PSEN1: variants seen among roughly 807,000 people sequenced by gnomAD.
PSEN1 encodes presenilin-1.
Under a neutral mutation model 53.5 loss-of-function variants are expected in PSEN1, and 15 were observed. That is an observed-to-expected ratio of 0.28 (90% CI 0.19 to 0.43). The LOEUF (loss-of-function observed/expected upper bound fraction) is 0.43. Ranked by LOEUF, PSEN1 falls within the 20% of genes least tolerant of loss-of-function variation. The pLI, the probability that PSEN1 is intolerant of heterozygous loss-of-function variation, is 1.00. For synonymous variants in PSEN1, 208 were observed against 209.8 expected, an observed-to-expected ratio of 0.99 and a Z score of 0.08; for missense variants, 387 against 571.2, an observed-to-expected ratio of 0.68 and a Z score of 3.29.
In PSEN1 at chr14:73,221,576, A is replaced by C. The variant is rs1472090284; in HGVS notation, c.*2287A>C. On this transcript the variant is annotated 3_prime_UTR_variant, in exon 12 of 12. Coordinates refer to ENST00000324501, the MANE Select transcript of PSEN1 (RefSeq NM_000021.4). Reference sequence around the variant, plus strand: ...AGCCACATTGTTAGACAGTGTACAGAGAACCTATCTTTCCTTTTTTTTTTT... The same window carrying C: ...AGCCACATTGTTAGACAGTGTACAGCGAACCTATCTTTCCTTTTTTTTTTT... 6.6e-6 allele frequency: 1 copy of C among 151,728 alleles called. No individual in the cohort carries two copies. The highest frequency in any genetic ancestry group is 1.9e-4 in the East Asian group (1 of 5,184). 9.4% of individuals were successfully genotyped at this position (151,728 alleles called of 1,614,324 possible).
intron 3 of PSEN1, among the ~76,000 whole-genome samples, chr14:73,165,059 C>T (rs1279767057): frequency 3.3e-5 from 5 of 151,982 alleles, no homozygotes; most frequent in Admixed American, 6.6e-5. Flanking sequence ...CGGGTTCAAA[C>T]GATTCGCCTG....
At chr14:73,160,597 G>A (rs551905698) in intron 3 of PSEN1, among the ~76,000 whole-genome samples, 18 of 152,044 alleles carry the variant, frequency 1.2e-4, no homozygotes, top group African/African-American at 3.4e-4. Context: ...CCATCCTAAC[G>A]GGTGTAGTTT....
At chr14:73,167,145 T>G (rs1897741771) in intron 3 of PSEN1, among the ~76,000 whole-genome samples, 1 of 62,908 alleles carries the variant, frequency 1.6e-5, no homozygotes, top group Non-Finnish European at 2.6e-5. Context: ...GAGTATATGG[T>G]ACCAGCAGCA....
intron 4 of PSEN1, among the ~76,000 whole-genome samples, chr14:73,171,996 T>C (rs1024472856): frequency 2.0e-5 from 3 of 152,254 alleles, no homozygotes; most frequent in African/African-American, 4.8e-5. Flanking sequence ...ACATTGTTTA[T>C]TTAATGCCTA....
chr14:73,177,540 T>C (rs974328498), intron 5 of PSEN1, among the ~76,000 whole-genome samples: 1 of 152,250 alleles, frequency 6.6e-6, no homozygotes, highest in South Asian at 2.1e-4. Flanking sequence ...CATCTTCCTT[T>C]AGTAATGCTT....
intron 6 of PSEN1, among the ~76,000 whole-genome samples, chr14:73,189,201 T>C (rs1409228954): frequency 6.6e-6 from 1 of 152,230 alleles, no homozygotes; most frequent in East Asian, 1.9e-4. Flanking sequence ...AAAAGAAGGT[T>C]AAATTACCAA....
chr14:73,183,297 T>C (rs894056697), intron 5 of PSEN1, among the ~76,000 whole-genome samples: 2 of 152,160 alleles, frequency 1.3e-5, no homozygotes, highest in African/African-American at 4.8e-5. Context: ...TTTGTATTTT[T>C]TTTTTTTAAT....
At chr14:73,180,879 CTT>C (rs906281090) in intron 5 of PSEN1, among the ~76,000 whole-genome samples, 1 of 152,160 alleles carries the variant, frequency 6.6e-6, no homozygotes, top group African/African-American at 2.4e-5. Context: ...CAAGATTAGT[CTT>C]TTTTGTCAAG....
chr14:73,206,469 G>A lies in PSEN1; in HGVS notation c.952G>A (p.Glu318Lys). The A allele has an allele frequency of 6.2e-7, 1 of 1,608,500 alleles. No individual in the cohort carries two copies. The highest frequency in any genetic ancestry group is 1.1e-5 in the South Asian group (1 of 90,970). Reference sequence around the variant, plus strand: ...ATCCAAAAATTCCAAGTATAATGCAGAAAGTAGGTAACTTTTATTAGATAA... The same window carrying A: ...ATCCAAAAATTCCAAGTATAATGCAAAAAGTAGGTAACTTTTATTAGATAA... ...RVSKNSKYNA[E>K]STERESQDTV... The change falls in exon 9 of 12, where the codon GAA (glutamate) becomes AAA (lysine). Residue 318 changes from glutamate (E) to lysine (K), a missense_variant. Transcript: ENST00000324501.
Position 73,219,713 on chromosome 14 carries a change from G to T in PSEN1, c.*424G>T. The T allele has an allele frequency of 4.5e-6, 1 of 222,270 alleles. No individual in the cohort carries two copies. Among genetic ancestry groups the T allele is most frequent in the Non-Finnish European group, 9.1e-6 (1 of 109,896 alleles). The allele number at this position is 222,270 out of a possible 1,614,324, so 13.8% of individuals were successfully genotyped here. A position where few individuals can be genotyped will look rare whatever the true frequency, so the allele number is the denominator to read the frequency against. Reference sequence around the variant, plus strand: ...CGGAACTCTTCATCTTAAACTACACGTTGAAAATCAACCCAATAATTCTGT... The same window carrying T: ...CGGAACTCTTCATCTTAAACTACACTTTGAAAATCAACCCAATAATTCTGT... On this transcript the variant is annotated 3_prime_UTR_variant, in exon 12 of 12. Coordinates refer to ENST00000324501, the MANE Select transcript of PSEN1 (RefSeq NM_000021.4).
chr14:73,147,767 T>A, intron 1 of PSEN1, 28 bp from the exon 2 acceptor site: 1 of 507,416 alleles, frequency 2.0e-6, no homozygotes. Flanking sequence ...TAACTAACAA[T>A]GGATGACCTG....
intron 4 of PSEN1, among the ~76,000 whole-genome samples, chr14:73,172,029 C>T (rs1897906389): frequency 6.6e-6 from 1 of 152,088 alleles, no homozygotes; most frequent in Non-Finnish European, 1.5e-5. Context: ...ATTGCAAGGC[C>T]TGTGAGGGTA....
At chr14:73,172,396 ATAT>A (rs1344933193) in intron 4 of PSEN1, among the ~76,000 whole-genome samples, 2 of 152,232 alleles carry the variant, frequency 1.3e-5, no homozygotes, top group African/African-American at 4.8e-5. Context: ...GGATTGAAGA[ATAT>A]TATCCATATA....
intron 5 of PSEN1, among the ~76,000 whole-genome samples, chr14:73,174,886 C>T (rs563304655): frequency 2.5e-4 from 38 of 152,274 alleles, no homozygotes; most frequent in African/African-American, 8.9e-4. Context: ...CGCTCTTTTG[C>T]CAAAGTGACC....
intron 8 of PSEN1, among the ~76,000 whole-genome samples, chr14:73,198,865 C>A (rs1899063320): frequency 6.6e-6 from 1 of 151,876 alleles, no homozygotes; most frequent in South Asian, 2.1e-4. Flanking sequence ...CCTCGACCTC[C>A]CAGGCTCAGG....
In PSEN1 at chr14:73,220,138, C is replaced by T. The variant is rs1900085802; in HGVS notation, c.*849C>T. ...TTCCACCAAATTCTGAATTTGTAGA[C>T]ATACTTGTACGCTCACTTGCCCCAG... On this transcript the variant is annotated 3_prime_UTR_variant, in exon 12 of 12. Transcript: ENST00000324501. 6.6e-6 allele frequency: 1 copy of T among 152,244 alleles called. No homozygotes were observed. The highest frequency in any genetic ancestry group is 6.5e-5 in the Admixed American group (1 of 15,284). The allele number at this position is 152,244 out of a possible 1,614,324, so 9.4% of individuals were successfully genotyped here.
At chr14:73,157,038 T>A (rs1320552213) in intron 3 of PSEN1, among the ~76,000 whole-genome samples, 2 of 152,138 alleles carry the variant, frequency 1.3e-5, no homozygotes, top group African/African-American at 4.8e-5. Context: ...CCAAGATTTT[T>A]CCTTTCGGAA....
intron 5 of PSEN1, among the ~76,000 whole-genome samples, chr14:73,180,608 A>T (rs958927570): frequency 4.6e-5 from 7 of 152,238 alleles, no homozygotes; most frequent in Non-Finnish European, 8.8e-5. Flanking sequence ...GTTAATTATT[A>T]TACATAATTT....
At chr14:73,202,433 TATATATATATATATATATATA>T (rs1899236783) in intron 8 of PSEN1, among the ~76,000 whole-genome samples, 1 of 12,714 alleles carries the variant, frequency 7.9e-5, no homozygotes, top group African/African-American at 3.9e-4. Flanking sequence ...TATATATATA[TATATATATATATATATATATA>T]TATATATATT....
Sources: gnomAD v4.1 joint callset for allele counts (sites outside exome capture counted in the v4.1 genomes callset) on GRCh38, gnomAD v4.1.1 for gene constraint, MANE v1.5 for transcripts, NCBI Gene and HGNC (gene_info 2026-07-23, HGNC 2026-07-21) for gene names.